The following KMT5B variants were observed in gnomAD, a reference collection of about 807,000 sequenced individuals.
KMT5B encodes the protein histone-lysine N-methyltransferase KMT5B.
KMT5B carries 10 observed loss-of-function variants against 83.2 expected under a neutral mutation model. That is an observed-to-expected ratio of 0.12 (90% CI 0.07 to 0.20). The LOEUF (loss-of-function observed/expected upper bound fraction) is 0.20. KMT5B is among the 10% of genes least tolerant of loss of function. KMT5B has a pLI of 1.00. For missense variants in KMT5B, 753 were observed against 1,067.2 expected, an observed-to-expected ratio of 0.71 and a Z score of 4.10; for synonymous variants, 349 against 388.8, an observed-to-expected ratio of 0.90 and a Z score of 1.20.
intron 2 of KMT5B, among the ~76,000 whole-genome samples, chr11:68,188,820 C>T (rs979936448): frequency 2.0e-5 from 3 of 152,202 alleles, no homozygotes; most frequent in Admixed American, 6.5e-5. Context: ...CTATATTTCT[C>T]AATTCTTCAC....
intron 1 of KMT5B, among the ~76,000 whole-genome samples, chr11:68,208,663 T>A (rs1366890885): frequency 6.6e-6 from 1 of 151,996 alleles, no homozygotes; most frequent in Non-Finnish European, 1.5e-5. Context: ...TGAGATGGGA[T>A]GATCAGGGAA....
intron 1 of KMT5B, among the ~76,000 whole-genome samples, chr11:68,204,623 T>TG (rs1565262152): frequency 1.5e-5 from 2 of 129,058 alleles, no homozygotes; most frequent in East Asian, 2.1e-4. Context: ...TTTTTTTTTT[T>TG]TTTTTTTTTT....
At chr11:68,164,722 C>G (rs765840969) in intron 10 of KMT5B, 1 of 503,728 alleles carries the variant, frequency 2.0e-6, no homozygotes, top group South Asian at 1.5e-5. Flanking sequence ...CCAATATCAG[C>G]AGTCCCTGCA....
chr11:68,158,964 A>G lies in KMT5B; in HGVS notation c.1382T>C (p.Leu461Pro). The change falls in exon 11 of 11, where the codon CTG becomes CCG. Residue 461 changes from leucine (L) to proline (P), a missense_variant. Leu to Pro is a moderately conservative substitution (Grantham distance 98). This residue lies in a region of KMT5B where 397 missense variants were observed against 395.9 expected (regional missense o/e 1.00). Coordinates refer to ENST00000304363, the MANE Select transcript of KMT5B (RefSeq NM_017635.5). ...TTTTCTTGAAGCATTCTTTTGCTCC[A>G]GCCGCTTGCAATGATTTCTCAATTT... ...KIKLRNHCKR[L>P]EQKNASRKLE... is the part of the protein sequence containing the mutation. 6.2e-7 allele frequency: 1 copy of G among 1,612,850 alleles called. No individual in the cohort carries two copies. The highest frequency in any genetic ancestry group is 1.1e-5 in the South Asian group (1 of 90,666).
intron 3 of KMT5B, among the ~76,000 whole-genome samples, chr11:68,182,360 C>T (rs893334023): frequency 6.6e-6 from 1 of 152,228 alleles, no homozygotes; most frequent in African/African-American, 2.4e-5. Context: ...CCCAAAGCTA[C>T]TGAATCAGAG....
Position 68,158,446 on chromosome 11 carries a change from C to A in KMT5B, c.1900G>T (p.Asp634Tyr), listed in dbSNP as rs144513563. Reference protein sequence around the residue: ...AKIEESTPVHDSPGKDDAVPD... With the variant: ...AKIEESTPVHYSPGKDDAVPD... ...ACCGCGTCGTCTTTTCCAGGAGAAT[C>A]GTGCACTGGAGTAGATTCCTCTATT... is the stretch of plus-strand genomic sequence containing the variant. Residue 634 changes from aspartate (D) to tyrosine (Y), a missense_variant, in exon 11 of 11, where the codon GAT becomes TAT. Transcript: ENST00000304363. 6.2e-7 allele frequency: 1 copy of A among 1,614,084 alleles called. No individual in the cohort carries two copies. The highest frequency in any genetic ancestry group is 1.1e-5 in the South Asian group (1 of 91,062).
chr11:68,213,394 C>A (rs1861245642), upstream of KMT5B: 1 of 146,474 alleles, frequency 6.8e-6, no homozygotes, highest in African/African-American at 2.5e-5. Context: ...CCGCCGCCGC[C>A]GCCGTCGCGC....
chr11:68,183,032 G>A (rs372138938), intron 3 of KMT5B, among the ~76,000 whole-genome samples: 1 of 151,914 alleles, frequency 6.6e-6, no homozygotes, highest in Admixed American at 6.6e-5. Flanking sequence ...CACCGCACCT[G>A]GCCCATTGTA....
intron 1 of KMT5B, among the ~76,000 whole-genome samples, chr11:68,203,870 A>G (rs1859749299): frequency 6.6e-6 from 1 of 150,438 alleles, no homozygotes; most frequent in African/African-American, 2.5e-5. Flanking sequence ...CGCTAATTCA[A>G]ATGGTAATCA....
At chr11:68,186,254 T>G (rs564930573) in intron 2 of KMT5B, among the ~76,000 whole-genome samples, 1 of 152,088 alleles carries the variant, frequency 6.6e-6, no homozygotes. Flanking sequence ...GACGGGAGCA[T>G]GTTCACTATT....
intron 1 of KMT5B, among the ~76,000 whole-genome samples, chr11:68,190,914 A>G (rs1565246795): frequency 6.6e-6 from 1 of 152,208 alleles, no homozygotes; most frequent in Non-Finnish European, 1.5e-5. Flanking sequence ...CAGTGAAGCT[A>G]TGATTGCAAC....
chr11:68,168,033 C>T (rs1590944737), intron 9 of KMT5B, among the ~76,000 whole-genome samples: 1 of 151,960 alleles, frequency 6.6e-6, no homozygotes, highest in East Asian at 1.9e-4. Flanking sequence ...AAAATTAGCC[C>T]GGCGTGATGG....
rs778807355 is a variant in KMT5B at position 68,180,188 on chromosome 11, C to A, written c.321G>T (p.Ser107=). 6.4e-7 allele frequency: 1 copy of A among 1,567,304 alleles called. No homozygotes were observed. The highest frequency in any genetic ancestry group is 1.7e-5 in the Admixed American group (1 of 58,570). Residue 107 remains serine (S), a synonymous_variant, in exon 4 of 11, where the codon TCG becomes TCT. Coordinates refer to ENST00000304363, the MANE Select transcript of KMT5B (RefSeq NM_017635.5). ...THKMNTSAFP[S]RSSRHFSKSD... is the part of the protein sequence containing the mutation. Reference sequence around the variant, plus strand: ...ATTTTGAAAAATGCCTTGAGCTCCTCGAAGGAAAGGCGCTATATAAATGCA... The same window carrying A: ...ATTTTGAAAAATGCCTTGAGCTCCTAGAAGGAAAGGCGCTATATAAATGCA...
At chr11:68,206,236 A>G (rs923651357) in intron 1 of KMT5B, among the ~76,000 whole-genome samples, 1 of 152,238 alleles carries the variant, frequency 6.6e-6, no homozygotes, top group Non-Finnish European at 1.5e-5. Context: ...GCCTAGAAAT[A>G]AAATCAAGGA....
rs1857392086 is a variant in KMT5B at position 68,185,879 on chromosome 11, A to G, written c.210T>C (p.Ser70=). Reference sequence around the variant, plus strand: ...CACAGAGTTCCTTGGCGGACATTCCAGAGGATGGTACATAGCGACTCTGTC... The same window carrying G: ...CACAGAGTTCCTTGGCGGACATTCCGGAGGATGGTACATAGCGACTCTGTC... ...FEGQSRYVPS[S]GMSAKELCEN... The change falls in exon 3 of 11, where the codon TCT becomes TCC. Residue 70 remains serine (S), a synonymous_variant. Coordinates refer to ENST00000304363, the MANE Select transcript of KMT5B (RefSeq NM_017635.5). The G allele has an allele frequency of 6.2e-7, 1 of 1,614,024 alleles. No homozygotes were observed. The highest frequency in any genetic ancestry group is 1.3e-5 in the African/African-American group (1 of 74,946).
intron 1 of KMT5B, among the ~76,000 whole-genome samples, chr11:68,203,750 CG>C (rs1467669149): frequency 1.3e-5 from 2 of 152,186 alleles, no homozygotes; most frequent in Non-Finnish European, 2.9e-5. Flanking sequence ...AGTAGTTCAA[CG>C]GGGTGTTAGT....
At chr11:68,185,073 A>T (rs1340598037) in intron 3 of KMT5B, among the ~76,000 whole-genome samples, 1 of 152,214 alleles carries the variant, frequency 6.6e-6, no homozygotes, top group Non-Finnish European at 1.5e-5. Context: ...TACAGAGACA[A>T]CGTGTAAGAG....
chr11:68,174,893 C>T lies in KMT5B; in HGVS notation c.543+125G>A, dbSNP rs994743998. ...CAAATGACTGTATGTGTTACAAGAT[C>T]TTCAGACTGATTAGTTTTATGAAAA... On this transcript the variant is annotated intron_variant, in intron 5 of 10. Coordinates refer to ENST00000304363, the MANE Select transcript of KMT5B (RefSeq NM_017635.5). 9 of 915,278 alleles carry T rather than the reference C, an allele frequency of 9.8e-6. No homozygotes were observed. The African/African-American group carries it at 1.0e-4, about 10-fold the overall frequency. 56.7% of individuals were successfully genotyped at this position (915,278 alleles called of 1,614,324 possible). A position where few individuals can be genotyped will look rare whatever the true frequency, so the allele number is the denominator to read the frequency against.
At chr11:68,199,461 G>A (rs1859142669) in intron 1 of KMT5B, among the ~76,000 whole-genome samples, 2 of 152,274 alleles carry the variant, frequency 1.3e-5, no homozygotes, top group Admixed American at 1.3e-4. Context: ...CCAGAGGCTG[G>A]CGTGGCTGGG....
Sources: allele counts gnomAD v4.1 joint callset (sites outside exome capture counted in the v4.1 genomes callset), GRCh38; gene constraint gnomAD v4.1.1; regional missense constraint gnomAD v4.1.1; transcripts MANE v1.5; gene names NCBI Gene and HGNC (gene_info 2026-07-23, HGNC 2026-07-21).